The following PSAP variants were observed in gnomAD, a reference collection of about 807,000 sequenced individuals.
PSAP encodes the protein prosaposin, also known as precursor of saposins.
PSAP carries 25 observed loss-of-function variants against 66.0 expected under a neutral mutation model. That is an observed-to-expected ratio of 0.38 (90% confidence interval 0.28 to 0.53). PSAP has a LOEUF of 0.53. Ranked by LOEUF, PSAP falls within the 20% of genes least tolerant of loss-of-function variation. The pLI is 0.83. For synonymous variants in PSAP, 273 were observed against 258.9 expected, an observed-to-expected ratio of 1.05 and a Z score of -0.52; for missense variants, 649 against 668.8, an observed-to-expected ratio of 0.97 and a Z score of 0.33.
intron 1 of PSAP, among the ~76,000 whole-genome samples, chr10:71,848,130 C>T (rs1394517300): frequency 6.6e-6 from 1 of 152,204 alleles, no homozygotes; most frequent in Non-Finnish European, 1.5e-5. Context: ...AAGATCGAAA[C>T]TGCAGCCTTC....
At chr10:71,826,454 C>A (rs1326975201) in intron 6 of PSAP, among the ~76,000 whole-genome samples, 1 of 152,202 alleles carries the variant, frequency 6.6e-6, no homozygotes, top group Non-Finnish European at 1.5e-5. Context: ...TACAGCCTCT[C>A]AGAGAGGGTT....
chr10:71,837,046 G>A (rs74472355), intron 1 of PSAP, among the ~76,000 whole-genome samples: 30 of 152,166 alleles, frequency 2.0e-4, no homozygotes, highest in African/African-American at 7.2e-4. Flanking sequence ...AGATCTGGAG[G>A]CAAAAAGATA....
At chr10:71,840,353 G>A (rs181606592) in intron 1 of PSAP, among the ~76,000 whole-genome samples, 5 of 152,292 alleles carry the variant, frequency 3.3e-5, no homozygotes, top group Admixed American at 6.5e-5. Flanking sequence ...GGCTTCTACC[G>A]CAGGGCATTT....
In PSAP at chr10:71,817,432, T is replaced by C. The variant is rs376628499; in HGVS notation, c.*9A>G. On this transcript the variant is annotated 3_prime_UTR_variant, in exon 14 of 14. Transcript: ENST00000394936. ...CTGTGGTTTCTGCCAAGATGGAATA[T>C]TCCTCCTCCTAGTTCCACACATGGC... The C allele has an allele frequency of 1.1e-5, 18 of 1,614,032 alleles. No homozygotes were observed. In the African/African-American group the frequency reaches 2.3e-4, roughly 20 times the overall value.
intron 7 of PSAP, among the ~76,000 whole-genome samples, chr10:71,823,124 G>T (rs1299699541): frequency 1.3e-5 from 2 of 151,882 alleles, no homozygotes; most frequent in Non-Finnish European, 2.9e-5. Context: ...TTCAACCAAA[G>T]TCCTCTCCCA....
chr10:71,836,973 T>G (rs1473160196), intron 1 of PSAP, among the ~76,000 whole-genome samples: 1 of 152,206 alleles, frequency 6.6e-6, no homozygotes, highest in African/African-American at 2.4e-5. Context: ...CTGGCCCAGC[T>G]AATACAAACT....
intron 9 of PSAP, 34 bp from the exon 10 acceptor site, chr10:71,819,934 G>A: frequency 1.3e-6 from 2 of 1,582,126 alleles, no homozygotes; most frequent in Non-Finnish European, 1.7e-6. Flanking sequence ...TGAGAAGACG[G>A]GAGGCCGGAC....
intron 13 of PSAP, among the ~76,000 whole-genome samples, chr10:71,818,140 G>A (rs906777081): frequency 6.6e-6 from 1 of 152,252 alleles, no homozygotes; most frequent in Admixed American, 6.5e-5. Context: ...ACTGGTGGCT[G>A]CCAGGCCAGG....
At chr10:71,834,294 T>C in intron 2 of PSAP, 78 bp downstream of exon 2, 1 of 1,602,566 alleles carries the variant, frequency 6.2e-7, no homozygotes, top group Non-Finnish European at 8.5e-7. Flanking sequence ...GCTCTGTCAA[T>C]ATGGCAGTGA....
At chr10:71,823,198 TC>T (rs1336848745) in intron 7 of PSAP, among the ~76,000 whole-genome samples, 1 of 152,064 alleles carries the variant, frequency 6.6e-6, no homozygotes, top group Admixed American at 6.5e-5. Context: ...ATGCCAACGC[TC>T]AGAGGTGGCA....
At chr10:71,817,711 G>A (rs1386171591) in intron 13 of PSAP, among the ~76,000 whole-genome samples, 1 of 151,966 alleles carries the variant, frequency 6.6e-6, no homozygotes, top group Non-Finnish European at 1.5e-5. Flanking sequence ...GCCTGCAGCA[G>A]TTTGCAGATG....
intron 7 of PSAP, among the ~76,000 whole-genome samples, chr10:71,824,997 AG>A (rs1328263269): frequency 6.6e-6 from 1 of 152,204 alleles, no homozygotes; most frequent in Non-Finnish European, 1.5e-5. Flanking sequence ...TGGTTACAGC[AG>A]GTCAGAGAGT....
At chr10:71,837,973 C>T (rs1842658624) in intron 1 of PSAP, among the ~76,000 whole-genome samples, 1 of 152,182 alleles carries the variant, frequency 6.6e-6, no homozygotes, top group South Asian at 2.1e-4. Flanking sequence ...ACCTGCCCCA[C>T]ACACCCTAAG....
At chr10:71,819,322 A>G in intron 11 of PSAP, 143 bp downstream of exon 11, 2 of 1,320,826 alleles carry the variant, frequency 1.5e-6, no homozygotes, top group South Asian at 1.2e-5. Context: ...TCTTAAGCCA[A>G]CAAATCACCT....
intron 4 of PSAP, among the ~76,000 whole-genome samples, chr10:71,830,170 C>CA (rs1479052559): frequency 6.6e-6 from 1 of 152,174 alleles, no homozygotes; most frequent in Non-Finnish European, 1.5e-5. Context: ...ACCCTGCAGA[C>CA]ATCTCAAACT....
chr10:71,833,463 A>G (rs1489885996), intron 2 of PSAP, among the ~76,000 whole-genome samples: 1 of 152,194 alleles, frequency 6.6e-6, no homozygotes, highest in Non-Finnish European at 1.5e-5. Context: ...GCCTCCAAAA[A>G]AAAGGGCAAG....
intron 3 of PSAP, among the ~76,000 whole-genome samples, 170 bp from the exon 4 acceptor site, chr10:71,831,421 G>A (rs570451007): frequency 8.9e-4 from 135 of 152,288 alleles, no homozygotes; most frequent in Middle Eastern, 3.4e-3. Flanking sequence ...AGGTCAATCA[G>A]GCAAAAGCAG....
At chr10:71,835,779 C>G (rs933585248) in intron 1 of PSAP, among the ~76,000 whole-genome samples, 1 of 113,528 alleles carries the variant, frequency 8.8e-6, no homozygotes, top group African/African-American at 3.5e-5. Context: ...TAGGGTTGAA[C>G]AAACTTTTGC....
chr10:71,835,119 G>C (rs576808670), intron 1 of PSAP, among the ~76,000 whole-genome samples: 3 of 152,006 alleles, frequency 2.0e-5, no homozygotes, highest in South Asian at 4.1e-4. Context: ...GCGGGCGCCT[G>C]TAGTTCCAGC....
Sources: gnomAD v4.1 joint callset for allele counts (sites outside exome capture counted in the v4.1 genomes callset) on GRCh38, gnomAD v4.1.1 for gene constraint, MANE v1.5 for transcripts, NCBI Gene and HGNC (gene_info 2026-07-23, HGNC 2026-07-21) for gene names.